Variants in HECW1 observed in about 807,000 individuals in gnomAD.
HECW1 encodes the protein E3 ubiquitin-protein ligase HECW1.
A neutral mutation model predicts 182.3 loss-of-function variants in HECW1; 61 were observed. The observed-to-expected ratio is 0.33, with a 90% confidence interval of 0.27 to 0.41. HECW1 has a LOEUF of 0.41. HECW1 is among the 10% of genes least tolerant of loss of function. The pLI, the probability that HECW1 is intolerant of heterozygous loss-of-function variation, is 1.00. For synonymous variants in HECW1, 859 were observed against 832.6 expected (o/e 1.03, Z -0.55); for missense variants, 1,739 against 2,108.9 (o/e 0.82, Z 3.44).
At chr7:43,386,259 C>T (rs998909780) in intron 6 of HECW1, among the ~76,000 whole-genome samples, 1 of 152,226 alleles carries the variant, frequency 6.6e-6, no homozygotes, top group Admixed American at 6.5e-5. Flanking sequence ...AGTCAGCTAT[C>T]CTGATTCCAG....
At chr7:43,412,553 C>A (rs1284688950) in intron 8 of HECW1, among the ~76,000 whole-genome samples, 2 of 149,926 alleles carry the variant, frequency 1.3e-5, no homozygotes, top group Non-Finnish European at 3.0e-5. Context: ...GCTGCACCCA[C>A]TAACTCGTCA....
intron 5 of HECW1, among the ~76,000 whole-genome samples, chr7:43,327,652 A>AAATTT (rs1255866807): frequency 1.3e-5 from 2 of 152,152 alleles, no homozygotes; most frequent in Non-Finnish European, 2.9e-5. Context: ...TTAAAATCCC[A>AAATTT]AAAGAATTAA....
rs185616915 is a variant in HECW1, at chr7:43,169,999, G to A, written c.-32+55608G>A. Reference sequence around the variant, plus strand: ...TCGTCTTTATCAGAACCGCTGGACAGATCATTTAATGCAGGGGTCCCCAAC... The same window carrying A: ...TCGTCTTTATCAGAACCGCTGGACAAATCATTTAATGCAGGGGTCCCCAAC... On this transcript the variant is annotated intron_variant, in intron 2 of 29. Transcript: ENST00000395891. 2.6e-3 allele frequency among the ~76,000 whole-genome samples: 393 copies of A among 152,288 alleles called. 8 individuals carry two copies. The highest frequency in any genetic ancestry group is 0.024 in the Admixed American group (362 of 15,300).
At chr7:43,202,709 T>C (rs1212009351) in intron 2 of HECW1, among the ~76,000 whole-genome samples, 1 of 152,130 alleles carries the variant, frequency 6.6e-6, no homozygotes, top group East Asian at 1.9e-4. Context: ...CTGACTTCAG[T>C]GTCAGGCCTC....
intron 5 of HECW1, among the ~76,000 whole-genome samples, chr7:43,331,378 C>T (rs1246677310): frequency 6.6e-6 from 1 of 151,954 alleles, no homozygotes; most frequent in Non-Finnish European, 1.5e-5. Flanking sequence ...ATCACAAGGT[C>T]AGGAGATCGA....
intron 8 of HECW1, among the ~76,000 whole-genome samples, chr7:43,408,450 G>A (rs2075684434): frequency 6.6e-6 from 1 of 151,822 alleles, no homozygotes; most frequent in Admixed American, 6.6e-5. Flanking sequence ...AGGGAGGCTA[G>A]GGCAGGTGAA....
intron 2 of HECW1, among the ~76,000 whole-genome samples, chr7:43,222,124 T>C (rs1338109655): frequency 6.6e-6 from 1 of 152,182 alleles, no homozygotes; most frequent in Non-Finnish European, 1.5e-5. Flanking sequence ...CACATGAGAA[T>C]CTCAGAGCAA....
At chr7:43,295,030 G>GA (rs1429660243) in intron 3 of HECW1, among the ~76,000 whole-genome samples, 1 of 151,894 alleles carries the variant, frequency 6.6e-6, no homozygotes, top group Non-Finnish European at 1.5e-5. Flanking sequence ...AGGCAGATAA[G>GA]AAAAAAACAG....
chr7:43,554,851 A>G (rs2081967128), intron 29 of HECW1, 61 bp downstream of exon 29: 2 of 1,457,986 alleles, frequency 1.4e-6, no homozygotes, highest in Non-Finnish European at 1.9e-6. Context: ...ATACTTTGCT[A>G]TTTGATTTTG....
rs113644926 is a variant in HECW1 at position 43,134,319 on chromosome 7, G to A, written c.-32+19928G>A. 6.0e-3 allele frequency among the ~76,000 whole-genome samples: 895 copies of A among 148,338 alleles called. 5 individuals are homozygous for A. The highest frequency in any genetic ancestry group is 0.02 in the African/African-American group (817 of 40,380). ...TGAAGCAGAAGAACCGCTTGAACCC[G>A]GGAGGCAGAGGTTGCAGTGAGCCGA... On this transcript the variant is annotated intron_variant, in intron 2 of 29. Transcript: ENST00000395891.
At chr7:43,304,425 C>T (rs1318700969) in intron 3 of HECW1, among the ~76,000 whole-genome samples, 2 of 152,236 alleles carry the variant, frequency 1.3e-5, no homozygotes, top group Non-Finnish European at 1.5e-5. Context: ...CCAGCCCACA[C>T]GTTACCCACA....
rs559117471 is a variant in HECW1 at position 43,480,686 on chromosome 7, T to C, written c.3234+942T>C. Among the ~76,000 whole-genome samples, 1,032 of 104,374 alleles carry C rather than the reference T, an allele frequency of 9.9e-3. 7 individuals carry two copies. Among genetic ancestry groups the C allele is most frequent in the Non-Finnish European group, 0.018 (760 of 41,482 alleles). 68.5% of individuals were successfully genotyped at this position (104,374 alleles called of 152,430 possible). A position where few individuals can be genotyped will look rare whatever the true frequency, so the allele number is the denominator to read the frequency against. On this transcript the variant is annotated intron_variant, in intron 17 of 29. Transcript: ENST00000395891. Reference sequence around the variant, plus strand: ...ATATATACACACACATATATACGCATATATATATATACACACACACACACA... The same window carrying C: ...ATATATACACACACATATATACGCACATATATATATACACACACACACACA...
intron 2 of HECW1, among the ~76,000 whole-genome samples, chr7:43,180,597 G>A (rs982342728): frequency 2.6e-4 from 40 of 152,072 alleles, no homozygotes; most frequent in Admixed American, 9.2e-4. Flanking sequence ...GGGTTTCACC[G>A]TGTTAGCCAG....
At chr7:43,170,815 G>A (rs1430516949) in intron 2 of HECW1, among the ~76,000 whole-genome samples, 1 of 152,186 alleles carries the variant, frequency 6.6e-6, no homozygotes, top group African/African-American at 2.4e-5. Flanking sequence ...GATAGAGTGA[G>A]TACATAGACC....
intron 24 of HECW1, among the ~76,000 whole-genome samples, chr7:43,534,875 T>C (rs1167254376): frequency 6.6e-6 from 1 of 152,202 alleles, no homozygotes; most frequent in Non-Finnish European, 1.5e-5. Context: ...GGCCTAGGGT[T>C]CTGAGTGTGA....
At chr7:43,316,620 AT>A (rs1368108285) in intron 4 of HECW1, among the ~76,000 whole-genome samples, 2 of 151,892 alleles carry the variant, frequency 1.3e-5, no homozygotes, top group East Asian at 3.9e-4. Flanking sequence ...GGGATGTAAT[AT>A]TGCTCCCACA....
intron 12 of HECW1, among the ~76,000 whole-genome samples, chr7:43,453,507 A>G (rs113226290): frequency 2.4e-4 from 36 of 152,352 alleles, no homozygotes; most frequent in African/African-American, 8.4e-4. Context: ...TTGAGATGTC[A>G]TCCAGGTAGT....
chr7:43,208,272 T>C (rs1451020424), intron 2 of HECW1, among the ~76,000 whole-genome samples: 1 of 152,256 alleles, frequency 6.6e-6, no homozygotes, highest in African/African-American at 2.4e-5. Flanking sequence ...TCTATTTCAA[T>C]GGCTAGACAT....
chr7:43,189,558 A>C (rs1323829004), intron 2 of HECW1, among the ~76,000 whole-genome samples: 1 of 152,234 alleles, frequency 6.6e-6, no homozygotes, highest in Non-Finnish European at 1.5e-5. Context: ...GCTTCTTCTC[A>C]TAAAGATAAT....
Sources: allele counts gnomAD v4.1 joint callset (sites outside exome capture counted in the v4.1 genomes callset), GRCh38; gene constraint gnomAD v4.1.1; transcripts MANE v1.5; gene names NCBI Gene and HGNC (gene_info 2026-07-23, HGNC 2026-07-21).